The following MRTFA variants were observed in gnomAD, a reference collection of about 807,000 sequenced individuals.
The protein encoded by MRTFA is myocardin-related transcription factor A.
MRTFA carries 20 observed loss-of-function variants against 83.5 expected under a neutral mutation model. That is an observed-to-expected ratio of 0.24 (90% CI 0.17 to 0.35). MRTFA has a LOEUF of 0.35. Among genes scored for constraint, MRTFA ranks in the 10% least tolerant of loss-of-function variants. MRTFA has a pLI of 1.00. For synonymous variants in MRTFA, 659 were observed against 541.2 expected, an observed-to-expected ratio of 1.22 and a Z score of -3.02; for missense variants, 1,200 against 1,224.7, an observed-to-expected ratio of 0.98 and a Z score of 0.30.
intron 3 of MRTFA, among the ~76,000 whole-genome samples, chr22:40,539,881 C>T (rs141137881): frequency 2.7e-5 from 4 of 150,262 alleles, no homozygotes; most frequent in South Asian, 2.1e-4. Context: ...GTTAAACAAT[C>T]GGTGTTCAAA....
chr22:40,635,642 T>C (rs1159813024), intron 1 of MRTFA, among the ~76,000 whole-genome samples: 2 of 152,192 alleles, frequency 1.3e-5, no homozygotes, highest in African/African-American at 2.4e-5. Flanking sequence ...GGGCTAGTGC[T>C]TAAAGGCACA....
intron 2 of MRTFA, chr22:40,569,305 G>T: frequency 4.7e-6 from 1 of 211,034 alleles, no homozygotes; most frequent in South Asian, 9.5e-5. Flanking sequence ...AAGACATCAA[G>T]ACCAAAATCA....
chr22:40,575,382 T>C (rs2055853022), intron 2 of MRTFA, among the ~76,000 whole-genome samples: 1 of 152,208 alleles, frequency 6.6e-6, no homozygotes, highest in Non-Finnish European at 1.5e-5. Context: ...TAGATTTAGA[T>C]ATAAAATATT....
intron 3 of MRTFA, among the ~76,000 whole-genome samples, chr22:40,528,666 G>A (rs1312130064): frequency 6.6e-6 from 1 of 151,346 alleles, no homozygotes; most frequent in Admixed American, 6.6e-5. Context: ...GAACTCGGGA[G>A]GTGGAGGCTG....
intron 7 of MRTFA, among the ~76,000 whole-genome samples, chr22:40,427,760 T>C (rs1254996964): frequency 5.3e-5 from 8 of 152,198 alleles, no homozygotes; most frequent in African/African-American, 1.7e-4. Context: ...GCTAATGTGA[T>C]AATCTGGGAG....
chr22:40,526,910 G>A (rs1376332458), intron 3 of MRTFA, among the ~76,000 whole-genome samples: 1 of 151,832 alleles, frequency 6.6e-6, no homozygotes, highest in Non-Finnish European at 1.5e-5. Flanking sequence ...GACCAGCTTG[G>A]GCAACACACC....
chr22:40,535,257 T>C (rs1460646966), intron 3 of MRTFA, among the ~76,000 whole-genome samples: 2 of 151,920 alleles, frequency 1.3e-5, no homozygotes, highest in African/African-American at 2.4e-5. Context: ...GGTTAGCAAC[T>C]AAGGGAAAAG....
At position 40,420,427 on chromosome 22, in the gene MRTFA, G is replaced by A. The variant is rs142647978; in HGVS notation, c.1331C>T (p.Pro444Leu). The A allele has an allele frequency of 3.2e-4, 515 of 1,613,626 alleles. No homozygotes were observed. The highest frequency in any genetic ancestry group is 1.9e-3 in the Admixed American group (117 of 60,006). The change falls in exon 11 of 15, where the codon CCG becomes CTG. Residue 444 changes from proline (P) to leucine (L), a missense_variant. By Grantham distance (98) the Pro-to-Leu change is moderately conservative. This residue lies in a region of MRTFA where 1,107 missense variants were observed against 1,041.8 expected (regional missense o/e 1.06). Transcript: ENST00000355630. ...TACCTTCATGTCGTCCAGGTTGGCC[G>A]GCAGGGCTCCCGGCTTGCCAGTCAG...
At chr22:40,453,676 A>C (rs1031068989) in intron 4 of MRTFA, among the ~76,000 whole-genome samples, 5 of 152,014 alleles carry the variant, frequency 3.3e-5, no homozygotes, top group African/African-American at 1.2e-4. Flanking sequence ...ATAGTGTAAC[A>C]CTCCACTTAA....
chr22:40,502,829 C>A (rs896108313), intron 3 of MRTFA, among the ~76,000 whole-genome samples: 2 of 152,162 alleles, frequency 1.3e-5, no homozygotes, highest in African/African-American at 4.8e-5. Context: ...CCATCCTCCC[C>A]CCATATTGCT....
At chr22:40,513,945 A>AT (rs554033200) in intron 3 of MRTFA, among the ~76,000 whole-genome samples, 4,436 of 146,728 alleles carry the variant, frequency 0.03, 84 homozygotes, top group Middle Eastern at 0.095. Context: ...TAAAGTAATA[A>AT]TTTTTTTTTT....
chr22:40,581,902 G>GA (rs2055952593), intron 2 of MRTFA, among the ~76,000 whole-genome samples: 1 of 152,124 alleles, frequency 6.6e-6, no homozygotes, highest in Non-Finnish European at 1.5e-5. Context: ...TTACTTGTTA[G>GA]ATAATAGCTT....
At chr22:40,502,024 C>T (rs1213866216) in intron 3 of MRTFA, among the ~76,000 whole-genome samples, 4 of 134,014 alleles carry the variant, frequency 3.0e-5, no homozygotes, top group East Asian at 2.4e-4. Flanking sequence ...GCTGGCCAGG[C>T]GGGGGGCTGA....
intron 1 of MRTFA, among the ~76,000 whole-genome samples, chr22:40,597,720 C>T (rs2056210487): frequency 6.6e-6 from 1 of 152,232 alleles, no homozygotes; most frequent in African/African-American, 2.4e-5. Flanking sequence ...CCTGGCACTG[C>T]TTCACGCAGA....
intron 3 of MRTFA, among the ~76,000 whole-genome samples, chr22:40,470,282 A>ATATATATATAT (rs2053886396): frequency 8.8e-5 from 7 of 79,130 alleles, no homozygotes; most frequent in Admixed American, 1.5e-4. Context: ...TATATATATA[A>ATATATATATAT]AGAAACATAA....
intron 3 of MRTFA, among the ~76,000 whole-genome samples, chr22:40,545,049 A>G (rs1432548174): frequency 6.6e-6 from 1 of 151,852 alleles, no homozygotes; most frequent in African/African-American, 2.4e-5. Context: ...ATATAAAATA[A>G]CTGGTATATA....
chr22:40,562,033 G>A (rs1025184991), intron 2 of MRTFA, among the ~76,000 whole-genome samples: 1 of 151,982 alleles, frequency 6.6e-6, no homozygotes, highest in African/African-American at 2.4e-5. Flanking sequence ...TAGCTAACAA[G>A]GTAAAACCTC....
intron 2 of MRTFA, among the ~76,000 whole-genome samples, chr22:40,555,367 T>C (rs2055504788): frequency 6.6e-6 from 1 of 152,130 alleles, no homozygotes; most frequent in South Asian, 2.1e-4. Context: ...CCCTCATGGA[T>C]TGGTGCTGTC....
chr22:40,537,063 T>TG (rs758227036), intron 3 of MRTFA, among the ~76,000 whole-genome samples: 27,654 of 27,764 alleles, frequency 1, 13,776 homozygotes, highest in Middle Eastern at 1. Context: ...CGGGAGGAGG[T>TG]GGGGGGTCAG....
Sources: gnomAD v4.1 joint callset for allele counts (sites outside exome capture counted in the v4.1 genomes callset) on GRCh38, gnomAD v4.1.1 for gene constraint, gnomAD v4.1.1 regional missense constraint, MANE v1.5 for transcripts, NCBI Gene and HGNC (gene_info 2026-07-23, HGNC 2026-07-21) for gene names.